Variants in MTCL1 observed in about 807,000 individuals in gnomAD.
MTCL1 encodes the protein microtubule cross-linking factor 1.
In MTCL1, 79 loss-of-function variants were observed where a neutral mutation model predicts 141.4. That is an observed-to-expected ratio of 0.56 (90% CI 0.47 to 0.67). The LOEUF (loss-of-function observed/expected upper bound fraction) is 0.67. Ranked by LOEUF, MTCL1 falls within the 30% of genes least tolerant of loss-of-function variation. The pLI is 0.00. For missense variants in MTCL1, 2,177 were observed against 2,113.9 expected (o/e 1.03, Z -0.59); for synonymous variants, 914 against 875.8 (o/e 1.04, Z -0.77).
intron 1 of MTCL1, among the ~76,000 whole-genome samples, chr18:8,708,330 C>T (rs1049165737): frequency 6.6e-6 from 1 of 152,204 alleles, no homozygotes; most frequent in Non-Finnish European, 1.5e-5. Flanking sequence ...TTTTGAAGTT[C>T]ATTCTTGGTG....
At chr18:8,832,072 A>G (rs1425256943) in exon 17 of MTCL1, 1 of 503,788 alleles carries the variant, frequency 2.0e-6, no homozygotes, top group East Asian at 3.4e-5. Context: ...TATTAAACGA[A>G]AAGGTAAATA....
chr18:8,746,899 A>G (rs965167964), intron 4 of MTCL1, among the ~76,000 whole-genome samples: 8 of 152,186 alleles, frequency 5.3e-5, no homozygotes, highest in Admixed American at 3.9e-4. Context: ...GGGCAGTTCT[A>G]TTCTCAAAGA....
rs369098392 is a variant in MTCL1, at chr18:8,796,518, C to T, written c.2241+56C>T. Reference sequence around the variant, plus strand: ...CATCTGTTTTGTCCTTGACCCCAGACACTGCTTTCTCCTCACCCACCCTAC... The same window carrying T: ...CATCTGTTTTGTCCTTGACCCCAGATACTGCTTTCTCCTCACCCACCCTAC... On this transcript the variant is annotated intron_variant, in intron 9 of 16. Coordinates refer to ENST00000359865, the Ensembl canonical transcript of MTCL1. The T allele has an allele frequency of 3.9e-6, 6 of 1,542,270 alleles. No individual in the cohort carries two copies. The African/African-American group carries it at 8.1e-5, about 21-fold the overall frequency.
At chr18:8,800,449 A>C (rs2076081089) in intron 10 of MTCL1, 1 of 152,236 alleles carries the variant, frequency 6.6e-6, no homozygotes, top group Non-Finnish European at 1.5e-5. Context: ...TTTAAAAAAA[A>C]CTGCATATAC....
At chr18:8,802,308 T>C (rs977487016) in intron 10 of MTCL1, 3 of 152,206 alleles carry the variant, frequency 2.0e-5, no homozygotes, top group African/African-American at 7.2e-5. Flanking sequence ...CACCTCTATT[T>C]TGTGACTGGC....
At chr18:8,725,462 A>G (rs2096202236) in intron 4 of MTCL1, among the ~76,000 whole-genome samples, 1 of 152,236 alleles carries the variant, frequency 6.6e-6, no homozygotes, top group Admixed American at 6.5e-5. Context: ...CAAAAAGGGC[A>G]TCATCACTCA....
intron 14 of MTCL1, among the ~76,000 whole-genome samples, chr18:8,823,891 A>G (rs1006524208): frequency 2.0e-5 from 3 of 152,210 alleles, no homozygotes; most frequent in East Asian, 3.9e-4. Context: ...CATACACTCA[A>G]TCTGGGACCC....
Position 8,809,681 on chromosome 18 carries a change from G to A in MTCL1, c.2604+2621G>A, listed in dbSNP as rs1193792475. On this transcript the variant is annotated intron_variant, in intron 11 of 16. Transcript: ENST00000359865. Reference sequence around the variant, plus strand: ...CCTGGTGGCCGGTTCATGAGACGCCGTGGAGCAACAGGCACCTCGCACGGC... The same window carrying A: ...CCTGGTGGCCGGTTCATGAGACGCCATGGAGCAACAGGCACCTCGCACGGC... 20 of 1,445,444 alleles carry A rather than the reference G, an allele frequency of 1.4e-5. No individual in the cohort carries two copies. In the African/African-American group the frequency reaches 1.7e-4, roughly 12 times the overall value. 89.5% of individuals were successfully genotyped at this position (1,445,444 alleles called of 1,614,324 possible).
exon 17 of MTCL1, chr18:8,831,868 C>CA (rs1272324900): frequency 1.3e-6 from 2 of 1,518,236 alleles, no homozygotes; most frequent in East Asian, 2.5e-5. Context: ...TCACCATGAA[C>CA]AAAACTCTGC....
At chr18:8,809,526 A>G (rs2076409572) in intron 11 of MTCL1, 2 of 1,536,254 alleles carry the variant, frequency 1.3e-6, no homozygotes. Context: ...GTCCACGGTA[A>G]AAACGTTGAA....
upstream of MTCL1, chr18:8,705,635 C>T: frequency 2.5e-6 from 3 of 1,209,950 alleles, no homozygotes; most frequent in Non-Finnish European, 3.1e-6. The surrounding 1 kb of genome is among the most constrained non-coding windows in gnomAD (Gnocchi z 5.2). Flanking sequence ...CATCTGCTGC[C>T]TGAGCTGCTG....
chr18:8,807,128 G>A (rs1568076007), intron 11 of MTCL1, 68 bp downstream of exon 10: 1 of 1,478,268 alleles, frequency 6.8e-7, no homozygotes, highest in South Asian at 1.3e-5. Flanking sequence ...TGTGGCGGGG[G>A]AGCGGGCACA....
chr18:8,807,131 C>CG, intron 11 of MTCL1, 71 bp downstream of exon 10: 1 of 1,462,294 alleles, frequency 6.8e-7, no homozygotes, highest in Non-Finnish European at 9.2e-7. Flanking sequence ...GGCGGGGGAG[C>CG]GGGCACAGAG....
chr18:8,798,764 A>T (rs540951194), intron 10 of MTCL1, among the ~76,000 whole-genome samples: 31 of 152,358 alleles, frequency 2.0e-4, no homozygotes, highest in African/African-American at 7.5e-4. Context: ...AAATTAATGT[A>T]TAAAGAGAGG....
chr18:8,731,787 C>A (rs1181867079), intron 4 of MTCL1, among the ~76,000 whole-genome samples: 2 of 152,054 alleles, frequency 1.3e-5, no homozygotes, highest in African/African-American at 4.8e-5. Flanking sequence ...CAGCTCACTG[C>A]AACCTCTGCC....
At chr18:8,758,843 G>A (rs968147282) in intron 4 of MTCL1, among the ~76,000 whole-genome samples, 1 of 152,192 alleles carries the variant, frequency 6.6e-6, no homozygotes, top group African/African-American at 2.4e-5. Flanking sequence ...GAAACCAGAT[G>A]ACAAGATTCA....
intron 14 of MTCL1, among the ~76,000 whole-genome samples, chr18:8,823,318 C>T (rs1435173122): frequency 6.6e-6 from 1 of 152,196 alleles, no homozygotes; most frequent in Non-Finnish European, 1.5e-5. Context: ...TGAGTTCCCA[C>T]CCAGGTAGGT....
rs2096524968 is a variant in MTCL1 at position 8,779,360 on chromosome 18, A to G, written c.417+1468A>G. Among the ~76,000 whole-genome samples the G allele has an allele frequency of 6.6e-6, 1 of 151,972 alleles. No homozygotes were observed. The highest frequency in any genetic ancestry group is 2.4e-5 in the African/African-American group (1 of 41,370). ...ACCACATTCCTGGGGCTATCCAATG[A>G]TCTCTCGAAACCAGAAATGATATGC... is the stretch of plus-strand genomic sequence containing the variant. On this transcript the variant is annotated intron_variant, in intron 5 of 16. Transcript: ENST00000359865. This position sits in a 1 kb window ranked among gnomAD's most constrained non-coding sequence, Gnocchi z 4.1.
intron 4 of MTCL1, among the ~76,000 whole-genome samples, chr18:8,777,454 GC>G (rs2096515707): frequency 6.6e-6 from 1 of 152,128 alleles, no homozygotes; most frequent in African/African-American, 2.4e-5. Context: ...ACGTGAACCA[GC>G]TCCAGAAATA....
Sources: gnomAD v4.1 joint callset for allele counts (sites outside exome capture counted in the v4.1 genomes callset) on GRCh38, gnomAD v4.1.1 for gene constraint, Gnocchi (gnomAD v3.1) non-coding constraint, MANE v1.5 for transcripts, NCBI Gene and HGNC (gene_info 2026-07-23, HGNC 2026-07-21) for gene names.